Variants in CACNA1I observed in about 807,000 individuals in gnomAD.
CACNA1I encodes the protein voltage-dependent T-type calcium channel subunit alpha-1I.
In CACNA1I, 74 loss-of-function variants were observed where a neutral mutation model predicts 201.6. The observed-to-expected ratio is 0.37, with a 90% CI of 0.30 to 0.45. The LOEUF (loss-of-function observed/expected upper bound fraction) is 0.45. CACNA1I is among the 20% of genes least tolerant of loss of function. The pLI is 1.00. For missense variants in CACNA1I, 2,346 were observed against 3,138.1 expected, an observed-to-expected ratio of 0.75 and a Z score of 6.03; for synonymous variants, 1,431 against 1,345.2, an observed-to-expected ratio of 1.06 and a Z score of -1.40.
In CACNA1I at chr22:39,685,755, C is replaced by T. The variant is rs1228541990; in HGVS notation, c.6028-6C>T. ...GGCGGCCTCCACGGCTCCCACCTCCCCCCAGGCCACCGGGAGCGACACGTC... is the reference window on the plus strand; with the variant it reads ...GGCGGCCTCCACGGCTCCCACCTCCTCCCAGGCCACCGGGAGCGACACGTC... On this transcript the variant is annotated splice_region_variant and splice_polypyrimidine_tract_variant and intron_variant, in intron 36 of 36. Coordinates refer to ENST00000402142, the MANE Select transcript of CACNA1I (RefSeq NM_021096.4). The surrounding 1 kb of genome is among the most constrained non-coding windows in gnomAD (Gnocchi z 5.0). 2.0e-6 allele frequency: 3 copies of T among 1,472,108 alleles called. No individual in the cohort carries two copies. The Admixed American group carries it at 6.9e-5, about 34-fold the overall frequency. The allele number at this position is 1,472,108 out of a possible 1,614,324, so 91.2% of individuals were successfully genotyped here.
Position 39,670,236 on chromosome 22 carries a change from T to C in CACNA1I, c.4387+6T>C, listed in dbSNP as rs372820732. The C allele has an allele frequency of 3.7e-6, 6 of 1,609,702 alleles. No homozygotes were observed. In the Admixed American group the frequency reaches 6.7e-5, roughly 18 times the overall value. On this transcript the variant is annotated splice_donor_region_variant and intron_variant, in intron 25 of 36. Coordinates refer to ENST00000402142, the MANE Select transcript of CACNA1I (RefSeq NM_021096.4). ...CCTGGAGAAGAAGCGCCGGAGTGAG[T>C]GGGTGCCTGTGGAGGGCGTGGGCCA...
intron 1 of CACNA1I, among the ~76,000 whole-genome samples, chr22:39,589,718 C>T (rs1054792047): frequency 6.6e-6 from 1 of 152,142 alleles, no homozygotes; most frequent in Non-Finnish European, 1.5e-5. Context: ...TCTGGAACCT[C>T]AGGCCTGGAG....
rs371850386 is a variant in CACNA1I, at chr22:39,641,024, G to A, written c.898G>A (p.Val300Ile). Residue 300 changes from valine (V) to isoleucine (I), a missense_variant, in exon 6 of 37, where the codon GTC becomes ATC. Transcript: ENST00000402142. ...TGAGTGCTGCCTGTCCAAGGACGAC[G>A]TCTACGACTTTGGGGCGGGGCGCCA... ...GRECCLSKDD[V>I]YDFGAGRQDL... 71 of 1,614,036 alleles carry A rather than the reference G, an allele frequency of 4.4e-5. No individual in the cohort carries two copies. The highest frequency in any genetic ancestry group is 2.3e-4 in the African/African-American group (17 of 75,060).
intron 6 of CACNA1I, 101 bp from the exon 7 acceptor site, chr22:39,642,696 G>A: frequency 8.2e-6 from 6 of 735,380 alleles, no homozygotes; most frequent in South Asian, 1.6e-5. Flanking sequence ...CATGTGTGAT[G>A]CGTTCTGGCA....
intron 3 of CACNA1I, among the ~76,000 whole-genome samples, chr22:39,602,281 C>T (rs961848328): frequency 7.9e-5 from 12 of 151,300 alleles, no homozygotes; most frequent in Non-Finnish European, 1.6e-4. Flanking sequence ...CACTATGTTG[C>T]CCAGGCTGGT....
chr22:39,571,180 G>A (rs935656997), intron 1 of CACNA1I, 192 bp downstream of exon 1: 1 of 611,138 alleles, frequency 1.6e-6, no homozygotes, highest in East Asian at 2.7e-5. Flanking sequence ...AGGACCTGGT[G>A]TTCTGCTGAT....
At chr22:39,679,640 G>A (rs1447350096) in intron 32 of CACNA1I, 82 bp from the exon 33 acceptor site, 16 of 1,355,462 alleles carry the variant, frequency 1.2e-5, no homozygotes, top group Admixed American at 8.2e-5. Context: ...CAACCGGGAG[G>A]GCAGCTGTGT....
chr22:39,622,996 G>A (rs964758125), intron 4 of CACNA1I, among the ~76,000 whole-genome samples: 2 of 152,204 alleles, frequency 1.3e-5, no homozygotes, highest in Non-Finnish European at 2.9e-5. Context: ...TCGCACACAA[G>A]GGATGTTTGT....
intron 6 of CACNA1I, among the ~76,000 whole-genome samples, chr22:39,642,487 T>A (rs1215695462): frequency 6.6e-6 from 1 of 152,192 alleles, no homozygotes; most frequent in Non-Finnish European, 1.5e-5. Flanking sequence ...GCTGATAAGC[T>A]GGAGCAGGGG....
Position 39,659,459 on chromosome 22 carries a change from G to A in CACNA1I, c.2357G>A (p.Cys786Tyr), listed in dbSNP as rs1480003515. Residue 786 changes from cysteine to tyrosine, a missense_variant, in exon 13 of 37, where the codon TGC (cysteine) becomes TAC (tyrosine). Transcript: ENST00000402142. This position sits in a 1 kb window ranked among gnomAD's most constrained non-coding sequence, Gnocchi z 4.3. ...FSILGMHIFG[C>Y]KFSLRTDTGD... ...ATCCTTGGGATGCATATTTTTGGCT[G>A]CAAGTTCAGCCTCCGCACGGACACT... 6.4e-7 allele frequency: 1 copy of A among 1,566,328 alleles called. No individual in the cohort carries two copies. The highest frequency in any genetic ancestry group is 1.2e-5 in the South Asian group (1 of 85,976).
chr22:39,644,985 G>A (rs2146424322), intron 7 of CACNA1I, among the ~76,000 whole-genome samples: 1 of 151,842 alleles, frequency 6.6e-6, no homozygotes, highest in South Asian at 2.1e-4. Flanking sequence ...GCAGCCCCCG[G>A]CCCCCAGTGC....
intron 1 of CACNA1I, among the ~76,000 whole-genome samples, chr22:39,576,307 T>C (rs2145798770): frequency 6.6e-6 from 1 of 152,324 alleles, no homozygotes; most frequent in Non-Finnish European, 1.5e-5. Flanking sequence ...GCTTTAACCC[T>C]CATAACCACC....
At chr22:39,613,336 G>A (rs1011418642) in intron 3 of CACNA1I, among the ~76,000 whole-genome samples, 1 of 152,192 alleles carries the variant, frequency 6.6e-6, no homozygotes, top group Non-Finnish European at 1.5e-5. Flanking sequence ...AGGGACAGGT[G>A]CCCAGAGGTG....
At chr22:39,600,987 A>G (rs1933014990) in intron 3 of CACNA1I, among the ~76,000 whole-genome samples, 1 of 152,116 alleles carries the variant, frequency 6.6e-6, no homozygotes, top group South Asian at 2.1e-4. Context: ...CACCCAATAA[A>G]TGCTAGCTGT....
Position 39,679,849 on chromosome 22 carries a change from G to A in CACNA1I, c.5522G>A (p.Cys1841Tyr), listed in dbSNP as rs548249270. The A allele has an allele frequency of 1.2e-6, 2 of 1,612,618 alleles. No individual in the cohort carries two copies. Among genetic ancestry groups the A allele is most frequent in the African/African-American group, 2.7e-5 (2 of 75,054 alleles). The change falls in exon 33 of 37, where the codon TGT becomes TAT. Residue 1841 changes from cysteine to tyrosine, a missense_variant. Cys to Tyr is a radical substitution (Grantham distance 194, BLOSUM62 -2). This residue lies in a region of CACNA1I where 441 missense variants were observed against 555.6 expected (regional missense o/e 0.79). Transcript: ENST00000402142. ...HYSSPAGCKKCHHDKQEVQLA... is the reference protein window; with the variant it reads ...HYSSPAGCKKYHHDKQEVQLA... ...TCCTCGCCTGCCGGCTGCAAGAAGT[G>A]TCACCACGACAAGCAAGAGGTAATG...
At position 39,670,058 on chromosome 22, in the gene CACNA1I, C is replaced by T. The variant is rs1404945046; in HGVS notation, c.4215C>T (p.Pro1405=). The change falls in exon 25 of 37, where the codon CCC becomes CCT. Residue 1405 remains proline, a synonymous_variant. Coordinates refer to ENST00000402142, the MANE Select transcript of CACNA1I (RefSeq NM_021096.4). The part of the protein sequence containing the change: ...VDQQPVTNHN[P]WMLLYFISFL... The stretch of plus-strand genomic sequence containing the variant: ...TGCAGCCTGTGACCAACCACAACCC[C>T]TGGATGCTGCTGTACTTCATCTCCT... The T allele has an allele frequency of 6.2e-7, 1 of 1,612,544 alleles. No homozygotes were observed. The highest frequency in any genetic ancestry group is 8.5e-7 in the Non-Finnish European group (1 of 1,179,872).
At chr22:39,664,274 C>T in intron 20 of CACNA1I, 115 bp downstream of exon 20, 1 of 849,382 alleles carries the variant, frequency 1.2e-6, no homozygotes, top group South Asian at 1.5e-5. Context: ...TCACTCGTAG[C>T]CCCATGGCCC....
At chr22:39,613,209 T>C (rs1933432194) in intron 3 of CACNA1I, among the ~76,000 whole-genome samples, 1 of 152,204 alleles carries the variant, frequency 6.6e-6, no homozygotes, top group South Asian at 2.1e-4. Flanking sequence ...TTTCTGATCT[T>C]GTCCCTCAAA....
At chr22:39,647,212 G>A (rs1053202892) in intron 8 of CACNA1I, among the ~76,000 whole-genome samples, 1 of 152,190 alleles carries the variant, frequency 6.6e-6, no homozygotes, top group Non-Finnish European at 1.5e-5. Flanking sequence ...CCTCAGTCTC[G>A]GAAAGCTAAA....
Sources: allele counts gnomAD v4.1 joint callset (sites outside exome capture counted in the v4.1 genomes callset), GRCh38; gene constraint gnomAD v4.1.1; regional missense constraint gnomAD v4.1.1; non-coding constraint Gnocchi (gnomAD v3.1); transcripts MANE v1.5; gene names NCBI Gene and HGNC (gene_info 2026-07-23, HGNC 2026-07-21).